The following WDR35 variants were observed in gnomAD, a reference collection of about 807,000 sequenced individuals.
WDR35 encodes the protein WD repeat domain 35, also known as WD repeat-containing protein 35.
In WDR35, 118 loss-of-function variants were observed where a neutral mutation model predicts 158.3. The observed-to-expected ratio is 0.75, with a 90% CI of 0.64 to 0.87. The LOEUF is 0.87. Ranked by LOEUF, WDR35 falls within the 40% of genes least tolerant of loss-of-function variation. The pLI is 0.00. For missense variants in WDR35, 1,263 were observed against 1,405.8 expected (o/e 0.90, Z 1.62); for synonymous variants, 448 against 476.1 (o/e 0.94, Z 0.77).
At chr2:19,936,018 T>C (rs531818990) in intron 20 of WDR35, among the ~76,000 whole-genome samples, 179 of 152,330 alleles carry the variant, frequency 1.2e-3, no homozygotes, top group African/African-American at 4.2e-3. Flanking sequence ...ACAAGTTTTG[T>C]GTTTATACAC....
At chr2:19,926,961 C>G (rs1362183428) in intron 25 of WDR35, among the ~76,000 whole-genome samples, 2 of 152,082 alleles carry the variant, frequency 1.3e-5, no homozygotes, top group Non-Finnish European at 2.9e-5. Context: ...CCCCAGCTGT[C>G]GCAAGCAACA....
intron 5 of WDR35, 74 bp downstream of exon 5, chr2:19,978,677 C>G: frequency 1.2e-6 from 2 of 1,602,736 alleles, no homozygotes; most frequent in Non-Finnish European, 1.7e-6. Flanking sequence ...CATATGGTAA[C>G]TAACTTAAAT....
chr2:19,989,897 C>T, intron 1 of WDR35, 95 bp downstream of exon 1: 1 of 1,571,926 alleles, frequency 6.4e-7, no homozygotes. Flanking sequence ...ACGACCAGGA[C>T]CGGGTGAAGG....
At chr2:19,917,017 G>A (rs747375320) in intron 25 of WDR35, among the ~76,000 whole-genome samples, 6 of 152,144 alleles carry the variant, frequency 3.9e-5, no homozygotes, top group Non-Finnish European at 8.8e-5. Flanking sequence ...CATCTGGCAG[G>A]TGCCCCTCTG....
chr2:19,973,679 C>G lies in WDR35; in HGVS notation c.766G>C (p.Val256Leu). 6.2e-7 allele frequency: 1 copy of G among 1,614,118 alleles called. No homozygotes were observed. Among genetic ancestry groups the G allele is most frequent in the Non-Finnish European group, 8.5e-7 (1 of 1,180,022 alleles). The change falls in exon 8 of 27, where the codon GTA becomes CTA. Residue 256 changes from valine to leucine, a missense_variant. By Grantham distance (32) the Val-to-Leu change is conservative. Transcript: ENST00000281405. ...NPVLIDTGMYVVGIQWNHMGS... is the reference protein window; with the variant it reads ...NPVLIDTGMYLVGIQWNHMGS... ...ATGTGGTTCCACTGGATGCCTACTA[C>G]GTACATGCCAGTGTCAATCAAAACG...
At position 19,978,809 on chromosome 2, in the gene WDR35, G is replaced by T. The variant is rs770081985; in HGVS notation, c.378C>A (p.Asp126Glu). The T allele has an allele frequency of 6.2e-7, 1 of 1,613,810 alleles. No homozygotes were observed. Among genetic ancestry groups the T allele is most frequent in the South Asian group, 1.1e-5 (1 of 91,074 alleles). Residue 126 changes from aspartate to glutamate, a missense_variant, in exon 5 of 27, where the codon GAC becomes GAA. Asp to Glu is a conservative substitution (Grantham distance 45). Coordinates refer to ENST00000281405, the MANE Select transcript of WDR35 (RefSeq NM_020779.4). Reference protein sequence around the residue: ...SVVRSMSWNADGQKICIVYED... With the variant: ...SVVRSMSWNAEGQKICIVYED... The stretch of plus-strand genomic sequence containing the variant: ...CATATACAATGCAGATCTTCTGTCC[G>T]TCAGCATTCCAGCTCATACTGCGAA...
intron 24 of WDR35, 42 bp from the exon 25 acceptor site, chr2:19,930,594 C>T (rs745326159): frequency 2.2e-5 from 35 of 1,612,542 alleles, no homozygotes; most frequent in Non-Finnish European, 3.0e-5. Context: ...AGCACAAACG[C>T]ACACACAGTG....
chr2:19,925,510 C>T (rs376847196), intron 25 of WDR35, among the ~76,000 whole-genome samples: 4 of 152,274 alleles, frequency 2.6e-5, no homozygotes, highest in Non-Finnish European at 2.9e-5. Flanking sequence ...GATACAGGAG[C>T]GGACATTTCA....
At chr2:19,989,337 A>G (rs773851834) in intron 1 of WDR35, 55 bp from the exon 2 acceptor site, 40 of 1,437,022 alleles carry the variant, frequency 2.8e-5, no homozygotes, top group Non-Finnish European at 3.9e-5. Flanking sequence ...GCTGGGAAGT[A>G]AGTCTGCAGG....
rs1348936065 is a variant in WDR35, at chr2:19,936,430, T to A, written c.2268-65A>T. The A allele has an allele frequency of 2.5e-6, 4 of 1,609,508 alleles. No homozygotes were observed. The Admixed American group carries it at 6.7e-5, about 27-fold the overall frequency. Reference sequence around the variant, plus strand: ...ACAAATATTTACCAAGAGCCTGCTGTGTGTTAGGTACAGTTCTAGGTGCTG... The same window carrying A: ...ACAAATATTTACCAAGAGCCTGCTGAGTGTTAGGTACAGTTCTAGGTGCTG... On this transcript the variant is annotated intron_variant, in intron 19 of 26. Transcript: ENST00000281405.
intron 10 of WDR35, among the ~76,000 whole-genome samples, chr2:19,966,276 T>G (rs1386305567): frequency 6.6e-6 from 1 of 152,224 alleles, no homozygotes; most frequent in Admixed American, 6.5e-5. Flanking sequence ...ATTATTTATG[T>G]TATGCTATGA....
chr2:19,941,499 C>T (rs1373885960), intron 17 of WDR35, among the ~76,000 whole-genome samples: 1 of 152,102 alleles, frequency 6.6e-6, no homozygotes, highest in Non-Finnish European at 1.5e-5. Flanking sequence ...AATAACAATC[C>T]TATAAGTAGT....
At chr2:19,979,589 G>A (rs1341801925) in intron 4 of WDR35, among the ~76,000 whole-genome samples, 1 of 152,038 alleles carries the variant, frequency 6.6e-6, no homozygotes, top group Non-Finnish European at 1.5e-5. Flanking sequence ...TTTTCTCAAA[G>A]GCTTTTTGAC....
intron 13 of WDR35, 85 bp downstream of exon 13, chr2:19,951,328 CAA>C (rs1558340850): frequency 8.3e-7 from 1 of 1,208,918 alleles, no homozygotes; most frequent in African/African-American, 1.5e-5. Context: ...TCACTGGAAA[CAA>C]ATTATTTTTC....
chr2:19,941,302 T>A (rs554245290), intron 17 of WDR35, among the ~76,000 whole-genome samples: 136 of 151,896 alleles, frequency 9.0e-4, no homozygotes, highest in African/African-American at 3.2e-3. Context: ...CTGGAAAAAA[T>A]GGAAAGATAG....
intron 6 of WDR35, 22 bp downstream of exon 6, chr2:19,975,508 A>G (rs1672176161): frequency 6.2e-7 from 1 of 1,606,350 alleles, no homozygotes; most frequent in African/African-American, 1.3e-5. Flanking sequence ...TATAAACAAG[A>G]CTGATGCATA....
chr2:19,974,723 T>C lies in WDR35; in HGVS notation c.571-90A>G, dbSNP rs1672151605. The C allele has an allele frequency of 2.2e-5, 28 of 1,278,558 alleles. No homozygotes were observed. The South Asian group carries it at 3.9e-4, about 18-fold the overall frequency. The allele number at this position is 1,278,558 out of a possible 1,614,324, so 79.2% of individuals were successfully genotyped here. A position where few individuals can be genotyped will look rare whatever the true frequency, so the allele number is the denominator to read the frequency against. The stretch of plus-strand genomic sequence containing the variant: ...CAATAGAGTATTGTAGAAAGAACAC[T>C]GAAAAATACAGTCTAAAAATCAGGT... On this transcript the variant is annotated intron_variant, in intron 6 of 26. Transcript: ENST00000281405.
chr2:19,918,337 A>G (rs1043732550), intron 25 of WDR35, among the ~76,000 whole-genome samples: 1 of 152,220 alleles, frequency 6.6e-6, no homozygotes, highest in Non-Finnish European at 1.5e-5. Context: ...GCATCAGCTA[A>G]CAGACAGAAT....
intron 5 of WDR35, among the ~76,000 whole-genome samples, chr2:19,977,259 G>A (rs1672246479): frequency 6.6e-6 from 1 of 152,210 alleles, no homozygotes; most frequent in Non-Finnish European, 1.5e-5. Flanking sequence ...TTTTTGAGCT[G>A]CAGATATGTA....
Sources: allele counts gnomAD v4.1 joint callset (sites outside exome capture counted in the v4.1 genomes callset), GRCh38; gene constraint gnomAD v4.1.1; transcripts MANE v1.5; gene names NCBI Gene and HGNC (gene_info 2026-07-23, HGNC 2026-07-21).